PPP1R15B: variants seen among roughly 807,000 people sequenced by gnomAD.
PPP1R15B encodes protein phosphatase 1 regulatory subunit 15B, also known as protein phosphatase 1, regulatory (inhibitor) subunit 15B.
Under a neutral mutation model 53.9 loss-of-function variants are expected in PPP1R15B, and 31 were observed. That is an observed-to-expected ratio of 0.58 (90% CI 0.43 to 0.78). The LOEUF is 0.78. Ranked by LOEUF, PPP1R15B falls within the 30% of genes least tolerant of loss-of-function variation. The probability of loss-of-function intolerance (pLI) is 0.00; values close to 1 mark genes in which losing one functional copy is unlikely to be tolerated. For synonymous variants in PPP1R15B, 345 were observed against 329.1 expected, an observed-to-expected ratio of 1.05 and a Z score of -0.52; for missense variants, 928 against 849.6, an observed-to-expected ratio of 1.09 and a Z score of -1.15.
chr1:204,397,517 T>C (rs569343558), downstream of PPP1R15B, among the ~76,000 whole-genome samples: 1 of 152,042 alleles, frequency 6.6e-6, no homozygotes, highest in Admixed American at 6.6e-5. Context: ...AATAAATAAA[T>C]AAATAGAAAA....
chr1:204,409,718 G>C lies in PPP1R15B; in HGVS notation c.1694C>G (p.Pro565Arg), dbSNP rs147451458. The C allele has an allele frequency of 3.7e-6, 6 of 1,613,916 alleles. No homozygotes were observed. Among genetic ancestry groups the C allele is most frequent in the Non-Finnish European group, 5.1e-6 (6 of 1,180,020 alleles). Reference sequence around the variant, plus strand: ...AGCCTTAAAATTTAAAGGGTTGTAGGGGTCATCAGAATTACAGAATGAGTT... The same window carrying C: ...AGCCTTAAAATTTAAAGGGTTGTAGCGGTCATCAGAATTACAGAATGAGTT... ...LWNSFCNSDD[P>R]YNPLNFKAPF... The change falls in exon 1 of 2, where the codon CCC becomes CGC. Residue 565 changes from proline (P) to arginine (R), a missense_variant. Pro to Arg is a moderately radical substitution (Grantham distance 103). Transcript: ENST00000367188.
downstream of PPP1R15B, among the ~76,000 whole-genome samples, chr1:204,397,456 G>A (rs567911923): frequency 1.4e-4 from 22 of 152,100 alleles, no homozygotes; most frequent in South Asian, 2.7e-3. Flanking sequence ...AGCCCAGGAC[G>A]CGGAGGTTAC....
chr1:204,410,787 T>G lies in PPP1R15B; in HGVS notation c.625A>C (p.Asn209His). The change falls in exon 1 of 2, where the codon AAC (asparagine) becomes CAC (histidine). Residue 209 changes from asparagine to histidine, a missense_variant. Transcript: ENST00000367188. ...ELGSSPSGPL[N>H]IQRIDNFSVV... ...CTGAAATTGTCTATGCGTTGAATGT[T>G]TAGAGGCCCAGAGGGCGAAGAGCCA... 1 of 1,614,176 alleles carries G rather than the reference T, an allele frequency of 6.2e-7. No homozygotes were observed. Among genetic ancestry groups the G allele is most frequent in the African/African-American group, 1.3e-5 (1 of 75,028 alleles).
At position 204,411,299 on chromosome 1, in the gene PPP1R15B, G is replaced by C. The variant is rs747846588; in HGVS notation, c.113C>G (p.Thr38Arg). 2 of 1,614,106 alleles carry C rather than the reference G, an allele frequency of 1.2e-6. No individual in the cohort carries two copies. The highest frequency in any genetic ancestry group is 2.7e-5 in the African/African-American group (2 of 74,940). ...RSQAGSSKFP[T>R]PLGPENSGNP... Reference sequence around the variant, plus strand: ...CCCGGAGTTTTCCGGGCCAAGAGGCGTCGGGAACTTAGAAGAGCCTGCTTG... The same window carrying C: ...CCCGGAGTTTTCCGGGCCAAGAGGCCTCGGGAACTTAGAAGAGCCTGCTTG... The change falls in exon 1 of 2, where the codon ACG becomes AGG. Residue 38 changes from threonine to arginine, a missense_variant. By Grantham distance (71) the Thr-to-Arg change is moderately conservative. Coordinates refer to ENST00000367188, the MANE Select transcript of PPP1R15B (RefSeq NM_032833.5).
downstream of PPP1R15B, chr1:204,403,365 T>G: frequency 1.5e-6 from 1 of 651,658 alleles, no homozygotes; most frequent in Non-Finnish European, 1.9e-6. Flanking sequence ...AATATAAAGT[T>G]GAACCAAAAT....
chr1:204,402,531 C>T (rs868395571), downstream of PPP1R15B, among the ~76,000 whole-genome samples: 11 of 152,216 alleles, frequency 7.2e-5, no homozygotes, highest in Admixed American at 3.9e-4. Context: ...TCTCAGCCTC[C>T]CCAGTAACTG....
chr1:204,411,492 G>A lies in PPP1R15B; in HGVS notation c.-81C>T. The A allele has an allele frequency of 6.5e-7, 1 of 1,530,580 alleles. No homozygotes were observed. The highest frequency in any genetic ancestry group is 8.7e-7 in the Non-Finnish European group (1 of 1,143,814). The allele number at this position is 1,530,580 out of a possible 1,614,324, so 94.8% of individuals were successfully genotyped here. On this transcript the variant is annotated 5_prime_UTR_variant, in exon 1 of 2. Coordinates refer to ENST00000367188, the MANE Select transcript of PPP1R15B (RefSeq NM_032833.5). ...CGACGGGATTCGGAGGAAGCCTACAGAGTCTCGGCCTTGCCCAGCGGTGGC... is the reference window on the plus strand; with the variant it reads ...CGACGGGATTCGGAGGAAGCCTACAAAGTCTCGGCCTTGCCCAGCGGTGGC...
chr1:204,400,236 C>G (rs74553379), downstream of PPP1R15B, among the ~76,000 whole-genome samples: 1 of 123,040 alleles, frequency 8.1e-6, no homozygotes, highest in Non-Finnish European at 1.6e-5. Flanking sequence ...GACACTGTCT[C>G]AAAAAAAAAA....
Position 204,403,971 on chromosome 1 carries a change from T to G in PPP1R15B, c.*2121A>C. 1.0e-6 allele frequency: 1 copy of G among 985,402 alleles called. No homozygotes were observed. Among genetic ancestry groups the G allele is most frequent in the Middle Eastern group, 5.2e-4 (1 of 1,914 alleles). The allele number at this position is 985,402 out of a possible 1,614,324, so 61.0% of individuals were successfully genotyped here. On this transcript the variant is annotated 3_prime_UTR_variant, in exon 2 of 2. Transcript: ENST00000367188. ...ATTTTCCAAAATCCAATGAAAGATGTCTCATTATTTTCAAATACACAGAGG... is the reference window on the plus strand; with the variant it reads ...ATTTTCCAAAATCCAATGAAAGATGGCTCATTATTTTCAAATACACAGAGG...
downstream of PPP1R15B, among the ~76,000 whole-genome samples, chr1:204,397,758 C>G (rs1461411611): frequency 6.6e-6 from 1 of 152,118 alleles, no homozygotes; most frequent in Non-Finnish European, 1.5e-5. Flanking sequence ...TGGTATCCTG[C>G]ATAATGAAGT....
chr1:204,405,883 TCA>T lies in PPP1R15B; in HGVS notation c.*207_*208del. Reference sequence around the variant, plus strand: ...AAATCAAAAAAGGGAGGATTAGAAATCACACTAGTTCATCCTTCATTATCAGG... The same window carrying T: ...AAATCAAAAAAGGGAGGATTAGAAATCACTAGTTCATCCTTCATTATCAGG... On this transcript the variant is annotated 3_prime_UTR_variant, in exon 2 of 2. Transcript: ENST00000367188. 7.5e-7 allele frequency: 1 copy of T among 1,327,932 alleles called. No individual in the cohort carries two copies. Among genetic ancestry groups the T allele is most frequent in the Non-Finnish European group, 9.6e-7 (1 of 1,038,820 alleles). The allele number at this position is 1,327,932 out of a possible 1,614,324, so 82.3% of individuals were successfully genotyped here. A position where few individuals can be genotyped will look rare whatever the true frequency, so the allele number is the denominator to read the frequency against.
rs750334039 is a variant in PPP1R15B at position 204,409,677 on chromosome 1, CTGA to C, written c.1732_1734del (p.Ser578del). On this transcript the variant is annotated inframe_deletion, in exon 1 of 2. Transcript: ENST00000367188. Reference sequence around the variant, plus strand: ...TCACGACAGCCTTTCTCATTTTCCCCTGATGTTTGAAAAGGAGCCTTAAAATTT... The same window carrying C: ...TCACGACAGCCTTTCTCATTTTCCCCTGTTTGAAAAGGAGCCTTAAAATTT... The C allele has an allele frequency of 3.1e-6, 5 of 1,613,978 alleles. No individual in the cohort carries two copies. The Admixed American group carries it at 8.3e-5, about 27-fold the overall frequency.
At position 204,409,772 on chromosome 1, in the gene PPP1R15B, G is replaced by A; in HGVS notation, c.1640C>T (p.Ala547Val). ...SGEEDDWESSADEAESLKLWN... is the reference protein window; with the variant it reads ...SGEEDDWESSVDEAESLKLWN... ...CAGTTTGAGACTCTCTGCTTCATCT[G>A]CACTAGATTCCCAGTCATCTTCCTC... The change falls in exon 1 of 2, where the codon GCA becomes GTA. Residue 547 changes from alanine (A) to valine (V), a missense_variant. Transcript: ENST00000367188. 1 of 1,614,132 alleles carries A rather than the reference G, an allele frequency of 6.2e-7. No individual in the cohort carries two copies. Among genetic ancestry groups the A allele is most frequent in the Non-Finnish European group, 8.5e-7 (1 of 1,180,020 alleles).
chr1:204,401,731 GACA>G (rs1284368381), downstream of PPP1R15B, among the ~76,000 whole-genome samples: 4 of 152,074 alleles, frequency 2.6e-5, no homozygotes, highest in Non-Finnish European at 5.9e-5. Context: ...TCTCAGCCTG[GACA>G]ACATGGCAAA....
Position 204,411,584 on chromosome 1 carries a change from G to A in PPP1R15B, c.-173C>T. On this transcript the variant is annotated 5_prime_UTR_variant, in exon 1 of 2. Coordinates refer to ENST00000367188, the MANE Select transcript of PPP1R15B (RefSeq NM_032833.5). The stretch of plus-strand genomic sequence containing the variant: ...CAGAGGGCAGCGAATGCGGCAGCGG[G>A]CGGCAGAACACAGGGAAGAACAGCC... The A allele has an allele frequency of 1.2e-6, 1 of 844,026 alleles. No individual in the cohort carries two copies. Among genetic ancestry groups the A allele is most frequent in the Non-Finnish European group, 1.8e-6 (1 of 550,602 alleles). 52.3% of individuals were successfully genotyped at this position (844,026 alleles called of 1,614,324 possible). A position where few individuals can be genotyped will look rare whatever the true frequency, so the allele number is the denominator to read the frequency against.
rs1399575635 is a variant in PPP1R15B, at chr1:204,409,774, A to C, written c.1638T>G (p.Ser546Arg). The C allele has an allele frequency of 6.2e-7, 1 of 1,614,060 alleles. No homozygotes were observed. Among genetic ancestry groups the C allele is most frequent in the African/African-American group, 1.3e-5 (1 of 74,924 alleles). The change falls in exon 1 of 2, where the codon AGT becomes AGG. Residue 546 changes from serine (S) to arginine (R), a missense_variant. Physicochemically the swap from Ser to Arg is moderately radical, Grantham distance 110 (BLOSUM62 -1). Transcript: ENST00000367188. ...SSGEEDDWES[S>R]ADEAESLKLW... is the part of the protein sequence containing the mutation. ...GTTTGAGACTCTCTGCTTCATCTGC[A>C]CTAGATTCCCAGTCATCTTCCTCCC...
chr1:204,406,342 C>A (rs754055355), intron 1 of PPP1R15B, 29 bp from the exon 2 acceptor site: 1 of 1,610,528 alleles, frequency 6.2e-7, no homozygotes, highest in Non-Finnish European at 8.5e-7. Flanking sequence ...ATTTTAATAA[C>A]TGTCTAGGAT....
In PPP1R15B at chr1:204,410,320, T is replaced by C. The variant is rs1674344064; in HGVS notation, c.1092A>G (p.Lys364=). ...GAACCTCTGTAGTTAATAATTCTAT[T>C]TTTTCTTCAGTGGATTCCTGGGTGT... The part of the protein sequence containing the change: ...PGNTQESTEE[K]IELLTTEVPL... The change falls in exon 1 of 2, where the codon AAA becomes AAG. Residue 364 remains lysine, a synonymous_variant. Transcript: ENST00000367188. 2 of 1,614,078 alleles carry C rather than the reference T, an allele frequency of 1.2e-6. No homozygotes were observed. Among genetic ancestry groups the C allele is most frequent in the Non-Finnish European group, 1.7e-6 (2 of 1,180,048 alleles).
In PPP1R15B at chr1:204,410,625, C is replaced by A; in HGVS notation, c.787G>T (p.Asp263Tyr). ...CTCAGCGGCTGGGGATGACAATGGT[C>A]CTCTCTCAGGCAGCTGCTCTCTGGG... ...LTPESSCLRE[D>Y]HCHPQPLSAE... Residue 263 changes from aspartate (D) to tyrosine (Y), a missense_variant, in exon 1 of 2, where the codon GAC becomes TAC. By Grantham distance (160) the Asp-to-Tyr change is radical (BLOSUM62 -3). Transcript: ENST00000367188. 1.2e-6 allele frequency: 2 copies of A among 1,613,930 alleles called. No homozygotes were observed. Among genetic ancestry groups the A allele is most frequent in the Non-Finnish European group, 1.7e-6 (2 of 1,179,916 alleles).
Sources: allele counts gnomAD v4.1 joint callset (sites outside exome capture counted in the v4.1 genomes callset), GRCh38; gene constraint gnomAD v4.1.1; transcripts MANE v1.5; gene names NCBI Gene and HGNC (gene_info 2026-07-23, HGNC 2026-07-21).